DGKG: variants seen among roughly 807,000 people sequenced by gnomAD.
The protein encoded by DGKG is diacylglycerol kinase gamma, also known as DAG kinase gamma.
Under a neutral mutation model 105.3 loss-of-function variants are expected in DGKG, and 78 were observed. The ratio of observed to expected loss-of-function variants is 0.74; its 90% CI spans 0.62 to 0.89. The LOEUF (loss-of-function observed/expected upper bound fraction) is 0.89. Ranked by LOEUF, DGKG falls within the 40% of genes least tolerant of loss-of-function variation. The pLI is 0.00. For missense variants in DGKG, 958 were observed against 1,020.1 expected (o/e 0.94, Z 0.83); for synonymous variants, 346 against 367.1 (o/e 0.94, Z 0.66).
At chr3:186,324,104 CAAAAA>C (rs561960985) in intron 1 of DGKG, among the ~76,000 whole-genome samples, 1 of 58,368 alleles carries the variant, frequency 1.7e-5, no homozygotes, top group Non-Finnish European at 3.4e-5. Flanking sequence ...GAGAGTCTGT[CAAAAA>C]AAAAAAAAAA....
At chr3:186,171,024 T>A (rs1716788469) in intron 22 of DGKG, among the ~76,000 whole-genome samples, 1 of 152,220 alleles carries the variant, frequency 6.6e-6, no homozygotes, top group South Asian at 2.1e-4. Flanking sequence ...AATGTTCAAG[T>A]TCCTTAGCTA....
intron 17 of DGKG, among the ~76,000 whole-genome samples, chr3:186,257,333 C>CGTA (rs1479348073): frequency 7.2e-5 from 11 of 152,236 alleles, no homozygotes; most frequent in African/African-American, 2.7e-4. Flanking sequence ...CTCAGGCTAC[C>CGTA]AGCCTTCTGG....
chr3:186,182,437 T>C (rs1474624772), intron 22 of DGKG, among the ~76,000 whole-genome samples: 1 of 152,166 alleles, frequency 6.6e-6, no homozygotes, highest in Admixed American at 6.5e-5. Flanking sequence ...ACCATACTTG[T>C]TTCCATCTTG....
chr3:186,287,845 C>G (rs1239719071), intron 6 of DGKG, among the ~76,000 whole-genome samples: 1 of 152,192 alleles, frequency 6.6e-6, no homozygotes, highest in African/African-American at 2.4e-5. Context: ...GTTTTGTTGA[C>G]TAGTCTTATT....
chr3:186,177,414 C>T (rs530674523), intron 22 of DGKG, among the ~76,000 whole-genome samples: 11 of 152,278 alleles, frequency 7.2e-5, no homozygotes, highest in African/African-American at 2.6e-4. Flanking sequence ...TTCATTTGTT[C>T]GTCAAACATT....
At chr3:186,283,631 A>C (rs1051774220) in intron 7 of DGKG, among the ~76,000 whole-genome samples, 1 of 152,314 alleles carries the variant, frequency 6.6e-6, no homozygotes, top group African/African-American at 2.4e-5. Context: ...TGAAAGCTTC[A>C]TGAGGGCATG....
At chr3:186,262,864 C>G (rs1169416034) in intron 14 of DGKG, among the ~76,000 whole-genome samples, 1 of 152,202 alleles carries the variant, frequency 6.6e-6, no homozygotes, top group Non-Finnish European at 1.5e-5. Context: ...CATGATCACT[C>G]ACGCCTATAA....
chr3:186,261,574 G>A, intron 15 of DGKG, 125 bp downstream of exon 15: 1 of 720,424 alleles, frequency 1.4e-6, no homozygotes, highest in Non-Finnish European at 2.5e-6. Context: ...GTCATAAAGT[G>A]GCAGGTGGCA....
rs371134793 is a variant in DGKG at position 186,302,820 on chromosome 3, T to C, written c.144+4081A>G. 5.5e-4 allele frequency among the ~76,000 whole-genome samples: 84 copies of C among 152,122 alleles called. 1 individual carries two copies. The South Asian group carries it at 0.017, about 30-fold the overall frequency. On this transcript the variant is annotated intron_variant, in intron 3 of 24. Transcript: ENST00000265022. ...TGCCATAGGAAAAGAGCTGACAAAC[T>C]GTTATGAGAACTTAGAAAATAATAC...
At chr3:186,200,203 T>A (rs1718380686) in intron 21 of DGKG, among the ~76,000 whole-genome samples, 1 of 152,134 alleles carries the variant, frequency 6.6e-6, no homozygotes, top group South Asian at 2.1e-4. Flanking sequence ...TGAAGATACA[T>A]CTCCAGCCCT....
chr3:186,303,028 G>A (rs1724053434), intron 3 of DGKG, among the ~76,000 whole-genome samples: 1 of 152,046 alleles, frequency 6.6e-6, no homozygotes, highest in Non-Finnish European at 1.5e-5. Flanking sequence ...GAAACCAGAA[G>A]CCAGACCTCC....
At chr3:186,168,215 C>T (rs1353829747) in intron 22 of DGKG, among the ~76,000 whole-genome samples, 1 of 152,152 alleles carries the variant, frequency 6.6e-6, no homozygotes, top group Non-Finnish European at 1.5e-5. Context: ...AATTACTGTC[C>T]AGAGACTCTT....
intron 2 of DGKG, chr3:186,313,690 T>A: frequency 5.8e-6 from 1 of 172,328 alleles, no homozygotes; most frequent in Non-Finnish European, 1.2e-5. Flanking sequence ...GATTCATGTG[T>A]ACATTAAACA....
intron 21 of DGKG, among the ~76,000 whole-genome samples, chr3:186,198,981 CT>C (rs560693730): frequency 4.9e-4 from 75 of 152,120 alleles, no homozygotes; most frequent in African/African-American, 1.7e-3. Context: ...GAGTTTTGCT[CT>C]TGTTACCCAG....
chr3:186,149,115 G>C lies in DGKG; in HGVS notation c.*975C>G, dbSNP rs1237118774. 1 of 984,924 alleles carries C rather than the reference G, an allele frequency of 1.0e-6. No homozygotes were observed. Among genetic ancestry groups the C allele is most frequent in the East Asian group, 1.1e-4 (1 of 8,798 alleles). 61.0% of individuals were successfully genotyped at this position (984,924 alleles called of 1,614,324 possible). ...AAGAAGCAGGAGGGAACCGTCTCCT[G>C]GTTTCCCCAGCAAAGTTCCTTCCTT... is the stretch of plus-strand genomic sequence containing the variant. On this transcript the variant is annotated 3_prime_UTR_variant, in exon 25 of 25. Coordinates refer to ENST00000265022, the MANE Select transcript of DGKG (RefSeq NM_001346.3).
At chr3:186,216,916 G>A (rs1379918344) in intron 20 of DGKG, among the ~76,000 whole-genome samples, 26 of 152,170 alleles carry the variant, frequency 1.7e-4, no homozygotes, top group Admixed American at 1.7e-3. Context: ...GACTGGCTTT[G>A]CCACTCACTG....
At chr3:186,332,997 G>A (rs1036735705) in intron 1 of DGKG, among the ~76,000 whole-genome samples, 1 of 152,112 alleles carries the variant, frequency 6.6e-6, no homozygotes, top group Non-Finnish European at 1.5e-5. Flanking sequence ...CCACCAGTAA[G>A]AAGGGCCTCA....
rs56331660 is a variant in DGKG, at chr3:186,299,767, C to CTCTTTCTTTCTTTCTT, written c.145-1554_145-1539dup. ...CTCTCTTTTCTTTTTTTCTTCTTTTCTCTTTCTTTCTTTCTTTCTTTCTTT... is the reference window on the plus strand; with the variant it reads ...CTCTCTTTTCTTTTTTTCTTCTTTTCTCTTTCTTTCTTTCTTTCTTTCTTTCTTTCTTTCTTTCTTT... On this transcript the variant is annotated intron_variant, in intron 3 of 24. Coordinates refer to ENST00000265022, the MANE Select transcript of DGKG (RefSeq NM_001346.3). Among the ~76,000 whole-genome samples the CTCTTTCTTTCTTTCTT allele has an allele frequency of 8.8e-4, 84 of 95,526 alleles. 2 individuals carry two copies. The highest frequency in any genetic ancestry group is 3.8e-3 in the East Asian group (11 of 2,868). The allele number at this position is 95,526 out of a possible 152,430, so 62.7% of individuals were successfully genotyped here.
intron 2 of DGKG, among the ~76,000 whole-genome samples, chr3:186,318,863 A>G (rs547010822): frequency 6.6e-6 from 1 of 152,288 alleles, no homozygotes; most frequent in East Asian, 1.9e-4. Flanking sequence ...AACAACCCCC[A>G]TACCAGTTTC....
Sources: gnomAD v4.1 joint callset for allele counts (sites outside exome capture counted in the v4.1 genomes callset) on GRCh38, gnomAD v4.1.1 for gene constraint, MANE v1.5 for transcripts, NCBI Gene and HGNC (gene_info 2026-07-23, HGNC 2026-07-21) for gene names.